The following SENP6 variants were observed in gnomAD, a reference collection of about 807,000 sequenced individuals.
SENP6 encodes SUMO specific peptidase 6, also known as sentrin-specific protease 6.
In SENP6, 41 loss-of-function variants were observed where a neutral mutation model predicts 134.5. The ratio of observed to expected loss-of-function variants is 0.30; its 90% CI spans 0.24 to 0.40. The LOEUF (loss-of-function observed/expected upper bound fraction) is 0.40, where lower values mean the gene tolerates loss of function less well. Among genes scored for constraint, SENP6 ranks in the 10% least tolerant of loss-of-function variants. The pLI, the probability that SENP6 is intolerant of heterozygous loss-of-function variation, is 1.00. For synonymous variants in SENP6, 395 were observed against 429.8 expected (o/e 0.92, Z 1.00); for missense variants, 1,248 against 1,312.5 (o/e 0.95, Z 0.76).
intron 6 of SENP6, among the ~76,000 whole-genome samples, chr6:75,641,628 A>G (rs1770034730): frequency 6.6e-6 from 1 of 152,196 alleles, no homozygotes; most frequent in Non-Finnish European, 1.5e-5. Flanking sequence ...AAACACACAC[A>G]TTTCTTTGAA....
intron 6 of SENP6, 98 bp from the exon 7 acceptor site, chr6:75,647,633 T>G: frequency 3.1e-6 from 2 of 642,486 alleles, no homozygotes; most frequent in Non-Finnish European, 5.3e-6. Flanking sequence ...GAAGCTATGA[T>G]TTGCTTTTAA....
At chr6:75,684,626 A>C (rs6925899) in intron 16 of SENP6, among the ~76,000 whole-genome samples, 40,107 of 152,094 alleles carry the variant, frequency 0.26, 6,225 homozygotes, top group Non-Finnish European at 0.37. Flanking sequence ...GAATTTTGTC[A>C]AAGGCCTTTT....
chr6:75,678,786 T>G, intron 15 of SENP6, 25 bp from the exon 16 acceptor site: 1 of 1,451,578 alleles, frequency 6.9e-7, no homozygotes. Flanking sequence ...TTTGTTTATT[T>G]GCTTGCCTTC....
chr6:75,697,438 C>T lies in SENP6; in HGVS notation c.2209C>T (p.Arg737Trp), dbSNP rs2149895927. ...TCTTTCTTACAGAATACAGCAAAAA[C>T]GGCATGGGAGAGTAAAAACATGGAC... is the stretch of plus-strand genomic sequence containing the variant. The part of the protein sequence containing the change: ...ETTNLSIQQK[R>W]HGRVKTWTRH... The change falls in exon 18 of 24, where the codon CGG (arginine) becomes TGG (tryptophan). Residue 737 changes from arginine to tryptophan, a missense_variant. This residue lies in a region of SENP6 where 129 missense variants were observed against 192.0 expected (regional missense o/e 0.67). Coordinates refer to ENST00000447266, the MANE Select transcript of SENP6 (RefSeq NM_015571.4). 2 of 1,610,492 alleles carry T rather than the reference C, an allele frequency of 1.2e-6. No individual in the cohort carries two copies. Among genetic ancestry groups the T allele is most frequent in the African/African-American group, 1.3e-5 (1 of 74,928 alleles).
At chr6:75,701,558 AC>A (rs1263103958) in intron 18 of SENP6, among the ~76,000 whole-genome samples, 1 of 149,578 alleles carries the variant, frequency 6.7e-6, no homozygotes, top group African/African-American at 2.5e-5. Context: ...AGTAAAAAGA[AC>A]AAAACTATAT....
chr6:75,660,454 T>C (rs1291928246), intron 8 of SENP6, among the ~76,000 whole-genome samples: 1 of 152,224 alleles, frequency 6.6e-6, no homozygotes, highest in Non-Finnish European at 1.5e-5. Flanking sequence ...GGTTATAGTC[T>C]GTAACTTTCA....
intron 10 of SENP6, 147 bp downstream of exon 10, chr6:75,667,088 G>T: frequency 2.1e-6 from 1 of 466,250 alleles, no homozygotes; most frequent in South Asian, 4.5e-5. Flanking sequence ...TTATTTGGAA[G>T]AACATTAAGC....
chr6:75,655,255 G>C (rs149816048), intron 7 of SENP6: 1 of 152,372 alleles, frequency 6.6e-6, no homozygotes, highest in African/African-American at 2.4e-5. Context: ...TACCCCTGGC[G>C]ATCAATGGGG....
chr6:75,704,007 A>G (rs1775220946), intron 19 of SENP6, among the ~76,000 whole-genome samples: 1 of 152,196 alleles, frequency 6.6e-6, no homozygotes, highest in South Asian at 2.1e-4. Context: ...CAATTTACAC[A>G]TTGGTAAATT....
chr6:75,653,814 A>G (rs778848890), intron 7 of SENP6, among the ~76,000 whole-genome samples: 7 of 152,254 alleles, frequency 4.6e-5, no homozygotes, highest in Admixed American at 2.0e-4. Flanking sequence ...GATAGACTAC[A>G]AACTTGTAAA....
intron 1 of SENP6, among the ~76,000 whole-genome samples, chr6:75,616,809 T>G (rs2149824884): frequency 6.6e-6 from 1 of 152,162 alleles, no homozygotes; most frequent in East Asian, 1.9e-4. Flanking sequence ...GCATAAATAT[T>G]ACGACGTCTC....
intron 19 of SENP6, among the ~76,000 whole-genome samples, chr6:75,707,002 AACTGAC>A (rs1289557598): frequency 2.0e-5 from 3 of 151,800 alleles, no homozygotes; most frequent in Non-Finnish European, 4.4e-5. Flanking sequence ...AGTTCTCAGG[AACTGAC>A]ACTGATTGAG....
At chr6:75,631,032 T>G (rs1304951126) in intron 3 of SENP6, among the ~76,000 whole-genome samples, 1 of 152,142 alleles carries the variant, frequency 6.6e-6, no homozygotes, top group Non-Finnish European at 1.5e-5. Flanking sequence ...TTTTTTTTTT[T>G]TACTTTTAAA....
chr6:75,705,339 G>C (rs1303292936), intron 19 of SENP6, among the ~76,000 whole-genome samples: 2 of 152,122 alleles, frequency 1.3e-5, no homozygotes, highest in Admixed American at 1.3e-4. Context: ...TAGGTCAGGA[G>C]TTTGAGACCA....
chr6:75,711,502 ATACT>A, intron 21 of SENP6, 86 bp downstream of exon 21: 2 of 798,124 alleles, frequency 2.5e-6, no homozygotes, highest in Non-Finnish European at 1.9e-6. Context: ...TTTTAAATAA[ATACT>A]TAAGCAAAAC....
chr6:75,683,390 CTTTAG>C (rs1773599333), intron 16 of SENP6, among the ~76,000 whole-genome samples: 1 of 152,070 alleles, frequency 6.6e-6, no homozygotes, highest in South Asian at 2.1e-4. Context: ...TGCGGAAGTT[CTTTAG>C]TTTAATTAGA....
At chr6:75,619,884 G>A (rs779537857) in intron 1 of SENP6, among the ~76,000 whole-genome samples, 3 of 152,014 alleles carry the variant, frequency 2.0e-5, no homozygotes, top group Non-Finnish European at 4.4e-5. Context: ...TTGAGGCTGG[G>A]AGTTCGAGAC....
intron 7 of SENP6, among the ~76,000 whole-genome samples, chr6:75,656,986 A>T (rs1048599546): frequency 1.3e-5 from 2 of 152,212 alleles, no homozygotes; most frequent in Admixed American, 1.3e-4. Context: ...GAGTGTGATT[A>T]CATAATCAGG....
At position 75,670,555 on chromosome 6, in the gene SENP6, T is replaced by G. The variant is rs1202062171; in HGVS notation, c.1227T>G (p.Phe409Leu). The change falls in exon 11 of 24, where the codon TTT (phenylalanine) becomes TTG (leucine). Residue 409 changes from phenylalanine (F) to leucine (L), a missense_variant and splice_region_variant. By Grantham distance (22) the Phe-to-Leu change is conservative (BLOSUM62 0). Transcript: ENST00000447266. Reference protein sequence around the residue: ...LPRKARMKDQFGNSIINTPLK... With the variant: ...LPRKARMKDQLGNSIINTPLK... ...GAACATTTTCTTTTCCTTTTTAGTTTGGCAATTCTATTATCAACACACCTC... is the reference window on the plus strand; with the variant it reads ...GAACATTTTCTTTTCCTTTTTAGTTGGGCAATTCTATTATCAACACACCTC... The G allele has an allele frequency of 6.3e-7, 1 of 1,597,240 alleles. No individual in the cohort carries two copies. The highest frequency in any genetic ancestry group is 8.5e-7 in the Non-Finnish European group (1 of 1,171,244).
Sources: allele counts gnomAD v4.1 joint callset (sites outside exome capture counted in the v4.1 genomes callset), GRCh38; gene constraint gnomAD v4.1.1; regional missense constraint gnomAD v4.1.1; transcripts MANE v1.5; gene names NCBI Gene and HGNC (gene_info 2026-07-23, HGNC 2026-07-21).